Variants in CNTN5 observed in about 807,000 individuals in gnomAD.
CNTN5 encodes the protein contactin-5.
Under a neutral mutation model 129.1 loss-of-function variants are expected in CNTN5, and 77 were observed. The observed-to-expected ratio is 0.60, with a 90% CI of 0.50 to 0.72. CNTN5 has a LOEUF of 0.72. Ranked by LOEUF, CNTN5 falls within the 30% of genes least tolerant of loss-of-function variation. The probability of loss-of-function intolerance (pLI) is 0.00; values close to 1 mark genes in which losing one functional copy is unlikely to be tolerated. For synonymous variants in CNTN5, 509 were observed against 465.6 expected (o/e 1.09, Z -1.20); for missense variants, 1,478 against 1,328.8 (o/e 1.11, Z -1.75).
At chr11:99,336,827 C>CA (rs138317113) in intron 2 of CNTN5, among the ~76,000 whole-genome samples, 11,988 of 135,154 alleles carry the variant, frequency 0.089, 658 homozygotes, top group East Asian at 0.23. Context: ...GACTCTGTCT[C>CA]AAAAAAAAAG....
At chr11:100,211,589 G>A (rs1447585095) in intron 15 of CNTN5, among the ~76,000 whole-genome samples, 1 of 152,060 alleles carries the variant, frequency 6.6e-6, no homozygotes, top group Non-Finnish European at 1.5e-5. Flanking sequence ...TAAATAGAAG[G>A]CAATCTTCAC....
intron 15 of CNTN5, among the ~76,000 whole-genome samples, chr11:100,201,719 G>T (rs1948783019): frequency 6.6e-6 from 1 of 151,956 alleles, no homozygotes; most frequent in Non-Finnish European, 1.5e-5. Context: ...AACTTTAACT[G>T]AAGATACCAT....
At chr11:99,275,225 C>A (rs1863371302) in intron 1 of CNTN5, among the ~76,000 whole-genome samples, 1 of 151,370 alleles carries the variant, frequency 6.6e-6, no homozygotes, top group Admixed American at 6.6e-5. Context: ...ACAAACACAT[C>A]TTTTTTCATC....
intron 3 of CNTN5, among the ~76,000 whole-genome samples, chr11:99,634,976 T>G (rs1009170836): frequency 6.6e-6 from 1 of 152,128 alleles, no homozygotes; most frequent in Admixed American, 6.5e-5. Context: ...AGGAAATAGA[T>G]AAATAGAAGA....
At chr11:99,516,531 A>G (rs12808852) in intron 2 of CNTN5, among the ~76,000 whole-genome samples, 6 of 152,160 alleles carry the variant, frequency 3.9e-5, no homozygotes, top group African/African-American at 1.4e-4. Flanking sequence ...CATAATGCAC[A>G]CATCCACACA....
At chr11:99,096,478 A>C (rs1866471506) in intron 1 of CNTN5, among the ~76,000 whole-genome samples, 1 of 151,832 alleles carries the variant, frequency 6.6e-6, no homozygotes, top group Non-Finnish European at 1.5e-5. Context: ...AACATGCAGA[A>C]TATAATATTG....
intron 17 of CNTN5, among the ~76,000 whole-genome samples, chr11:100,267,915 A>G (rs576903828): frequency 6.6e-6 from 1 of 152,328 alleles, no homozygotes; most frequent in Admixed American, 6.5e-5. Flanking sequence ...AATGTGACAG[A>G]AGCTTGGTGA....
At chr11:99,867,105 C>T (rs1318957921) in intron 6 of CNTN5, among the ~76,000 whole-genome samples, 3 of 152,186 alleles carry the variant, frequency 2.0e-5, no homozygotes, top group African/African-American at 4.8e-5. Context: ...ATCTGAGTGA[C>T]TTCAAAGCTT....
intron 1 of CNTN5, among the ~76,000 whole-genome samples, chr11:99,221,525 A>C (rs1860396446): frequency 6.6e-6 from 1 of 151,946 alleles, no homozygotes; most frequent in Middle Eastern, 3.2e-3. Flanking sequence ...GAATTCATAC[A>C]AGAACAGATT....
intron 3 of CNTN5, among the ~76,000 whole-genome samples, chr11:99,659,244 A>G (rs1952507021): frequency 6.6e-6 from 1 of 152,054 alleles, no homozygotes; most frequent in African/African-American, 2.4e-5. Context: ...AATAAAAGAA[A>G]AAGGGAAAAA....
intron 3 of CNTN5, among the ~76,000 whole-genome samples, chr11:99,561,310 A>AGTAG (rs1418694233): frequency 1.3e-5 from 2 of 152,148 alleles, no homozygotes; most frequent in African/African-American, 2.4e-5. Context: ...TAAGTAAGTA[A>AGTAG]GTAAATAAAT....
At chr11:99,421,210 G>C (rs773713030) in intron 2 of CNTN5, among the ~76,000 whole-genome samples, 1 of 151,850 alleles carries the variant, frequency 6.6e-6, no homozygotes, top group East Asian at 1.9e-4. Flanking sequence ...TAAGCTCAGG[G>C]GATACATGGG....
Position 100,061,229 on chromosome 11 carries a change from C to T in CNTN5, c.998C>T (p.Thr333Ile). 1.2e-6 allele frequency: 2 copies of T among 1,609,140 alleles called. No individual in the cohort carries two copies. Among genetic ancestry groups the T allele is most frequent in the Non-Finnish European group, 1.7e-6 (2 of 1,176,120 alleles). Residue 333 changes from threonine (T) to isoleucine (I), a missense_variant, in exon 10 of 25, where the codon ACA becomes ATA. Transcript: ENST00000524871. Reference protein sequence around the residue: ...FALGNPVPTITWMKVNGYIPS... With the variant: ...FALGNPVPTIIWMKVNGYIPS... ...TATCGTAGCCCCGTTCCAACAATCA[C>T]ATGGATGAAGGTTAATGGTTATATT... is the stretch of plus-strand genomic sequence containing the variant.
intron 9 of CNTN5, among the ~76,000 whole-genome samples, chr11:100,041,302 T>C (rs1261673040): frequency 1.3e-5 from 2 of 152,180 alleles, no homozygotes; most frequent in Non-Finnish European, 2.9e-5. Flanking sequence ...TGTGCCTATG[T>C]CCATACTTCC....
chr11:100,311,797 T>C (rs1050570359), intron 21 of CNTN5, among the ~76,000 whole-genome samples: 6 of 152,040 alleles, frequency 3.9e-5, no homozygotes, highest in Non-Finnish European at 8.8e-5. Flanking sequence ...ATGAGAGAGA[T>C]TTTATGGAAT....
chr11:99,879,648 A>T (rs1046797514), intron 6 of CNTN5, among the ~76,000 whole-genome samples: 6 of 152,204 alleles, frequency 3.9e-5, no homozygotes, highest in African/African-American at 1.4e-4. Flanking sequence ...TAAATTTTAA[A>T]ACACTGCTAG....
At chr11:99,121,756 C>A (rs1457158917) in intron 1 of CNTN5, among the ~76,000 whole-genome samples, 1 of 152,080 alleles carries the variant, frequency 6.6e-6, no homozygotes, top group Non-Finnish European at 1.5e-5. Context: ...ATATTAATAT[C>A]TAATGGTGGG....
At chr11:99,502,000 C>T (rs1159623) in intron 2 of CNTN5, among the ~76,000 whole-genome samples, 55 of 152,090 alleles carry the variant, frequency 3.6e-4, no homozygotes, top group African/African-American at 1.3e-3. Flanking sequence ...ATAGGTACAA[C>T]GCTGATGGCT....
intron 13 of CNTN5, among the ~76,000 whole-genome samples, chr11:100,136,730 T>C (rs1377304894): frequency 6.6e-6 from 1 of 151,746 alleles, no homozygotes; most frequent in Non-Finnish European, 1.5e-5. Context: ...TATGGATTTA[T>C]TACACCATTC....
Sources: allele counts gnomAD v4.1 joint callset (sites outside exome capture counted in the v4.1 genomes callset), GRCh38; gene constraint gnomAD v4.1.1; transcripts MANE v1.5; gene names NCBI Gene and HGNC (gene_info 2026-07-23, HGNC 2026-07-21).